TLK2: variants seen among roughly 807,000 people sequenced by gnomAD.
The protein encoded by TLK2 is tousled like kinase 2.
TLK2 carries 6 observed loss-of-function variants against 117.3 expected under a neutral mutation model. The observed-to-expected ratio is 0.05, with a 90% CI of 0.03 to 0.10. The LOEUF (loss-of-function observed/expected upper bound fraction) is 0.10, where lower values mean the gene tolerates loss of function less well. Ranked by LOEUF, TLK2 falls within the 10% of genes least tolerant of loss-of-function variation. The pLI is 1.00. For synonymous variants in TLK2, 257 were observed against 316.7 expected, an observed-to-expected ratio of 0.81 and a Z score of 2.00; for missense variants, 299 against 901.2, an observed-to-expected ratio of 0.33 and a Z score of 8.56.
At chr17:62,478,726 T>G (rs1255444732), upstream of TLK2, among the ~76,000 whole-genome samples, 11 of 56,358 alleles carry the variant, frequency 2.0e-4, no homozygotes, top group Admixed American at 9.4e-4. Context: ...GCTCCCCCAC[T>G]GTCGGCGCTT....
At chr17:62,565,340 T>C (rs1179977607) in intron 11 of TLK2, among the ~76,000 whole-genome samples, 1 of 151,936 alleles carries the variant, frequency 6.6e-6, no homozygotes, top group Admixed American at 6.6e-5. Flanking sequence ...GAGTACAAAA[T>C]GAGTTCCAGA....
intron 15 of TLK2, among the ~76,000 whole-genome samples, chr17:62,583,171 A>C (rs532628605): frequency 1.3e-5 from 2 of 152,068 alleles, no homozygotes; most frequent in African/African-American, 4.8e-5. Context: ...GGCTCACTGC[A>C]ACCTCCATCT....
In TLK2 at chr17:62,551,760, G is replaced by A. The variant is rs987557638; in HGVS notation, c.532-542G>A. The A allele has an allele frequency of 2.9e-4, 45 of 156,284 alleles. 1 individual carries two copies. The allele number at this position is 156,284 out of a possible 1,614,324, so 9.7% of individuals were successfully genotyped here. A position where few individuals can be genotyped will look rare whatever the true frequency, so the allele number is the denominator to read the frequency against. ...AATATAATATAATTAACCTGAATAG[G>A]TTAATTATATTGTGGAACCTAAACC... On this transcript the variant is annotated intron_variant, in intron 7 of 21. Coordinates refer to ENST00000346027, the MANE Select transcript of TLK2 (RefSeq NM_006852.6).
At chr17:62,502,736 C>T (rs920943313) in intron 2 of TLK2, among the ~76,000 whole-genome samples, 14 of 151,992 alleles carry the variant, frequency 9.2e-5, no homozygotes, top group African/African-American at 3.1e-4. Flanking sequence ...GAACAATTGG[C>T]AGTTGAAGTA....
At chr17:62,608,369 G>A (rs2147288239) in intron 21 of TLK2, among the ~76,000 whole-genome samples, 1 of 152,296 alleles carries the variant, frequency 6.6e-6, no homozygotes, top group African/African-American at 2.4e-5. Flanking sequence ...GTTGATAGGT[G>A]GGTGTTTTAA....
intron 18 of TLK2, 118 bp downstream of exon 18, chr17:62,600,938 T>G: frequency 2.9e-6 from 3 of 1,045,172 alleles, no homozygotes; most frequent in Non-Finnish European, 2.7e-6. Context: ...AACATCTGAC[T>G]TTTGATTGCC....
At chr17:62,606,715 T>C (rs1270640021) in intron 20 of TLK2, among the ~76,000 whole-genome samples, 1 of 152,222 alleles carries the variant, frequency 6.6e-6, no homozygotes, top group Non-Finnish European at 1.5e-5. Flanking sequence ...GATGTATTCA[T>C]TGTTACCTCT....
rs199901593 is a variant in TLK2 at position 62,543,097 on chromosome 17, A to AT, written c.531+6769dup. Among the ~76,000 whole-genome samples the AT allele has an allele frequency of 5.9e-5, 9 of 151,752 alleles. No homozygotes were observed. In the East Asian group the frequency reaches 9.7e-4, roughly 16 times the overall value. On this transcript the variant is annotated intron_variant, in intron 7 of 21. Transcript: ENST00000346027. ...TTTTAATTACTAATGAGGCTTTTAA[A>AT]TTTTTTTTTAACTTTTAAAGTAGGG...
chr17:62,549,367 C>G (rs1201955553), intron 7 of TLK2, among the ~76,000 whole-genome samples: 1 of 96,458 alleles, frequency 1.0e-5, no homozygotes, highest in Non-Finnish European at 2.0e-5. Context: ...CCACTACACT[C>G]CAGCCTAAGT....
chr17:62,521,292 CAT>C (rs1487323656), intron 3 of TLK2, among the ~76,000 whole-genome samples: 8 of 152,194 alleles, frequency 5.3e-5, no homozygotes, highest in Admixed American at 1.3e-4. Flanking sequence ...TTATTATAAT[CAT>C]GTGTGGATCT....
chr17:62,488,545 C>T (rs1048583469), intron 2 of TLK2, among the ~76,000 whole-genome samples: 1 of 152,142 alleles, frequency 6.6e-6, no homozygotes, highest in African/African-American at 2.4e-5. Flanking sequence ...GATTAATTTA[C>T]TTTAGTATTT....
chr17:62,588,693 C>T (rs1221058708), intron 16 of TLK2, among the ~76,000 whole-genome samples: 1 of 152,090 alleles, frequency 6.6e-6, no homozygotes, highest in Admixed American at 6.6e-5. Context: ...GGAAGCAGCA[C>T]TGAGGAGACA....
Position 62,612,613 on chromosome 17 carries a change from A to T in TLK2, c.*48A>T, listed in dbSNP as rs1186069446. On this transcript the variant is annotated 3_prime_UTR_variant, in exon 22 of 22. Transcript: ENST00000346027. ...TGTTCAACACACACAAAGTGGACAAATGGCGTTCAGCAGCGGGTTTGGAAC... is the reference window on the plus strand; with the variant it reads ...TGTTCAACACACACAAAGTGGACAATTGGCGTTCAGCAGCGGGTTTGGAAC... 1.9e-6 allele frequency: 3 copies of T among 1,541,810 alleles called. No homozygotes were observed. The highest frequency in any genetic ancestry group is 2.7e-6 in the Non-Finnish European group (3 of 1,131,164).
intron 10 of TLK2, among the ~76,000 whole-genome samples, chr17:62,562,444 C>T (rs140398393): frequency 6.6e-6 from 1 of 152,210 alleles, no homozygotes; most frequent in African/African-American, 2.4e-5. Context: ...AATTTTAAAA[C>T]TCTTATAACT....
chr17:62,602,932 A>G (rs1281133626), intron 19 of TLK2, among the ~76,000 whole-genome samples: 1 of 152,200 alleles, frequency 6.6e-6, no homozygotes, highest in African/African-American at 2.4e-5. Flanking sequence ...AGGTGGTCAC[A>G]CAAGCCACAT....
At position 62,496,956 on chromosome 17, in the gene TLK2, CAAAAAAAAAA is replaced by C. The variant is rs1156828880; in HGVS notation, c.81+15762_81+15771del. ...TGGGCAACAGAGTGAGACTCCATCT[CAAAAAAAAAA>C]AAAAAAAAAAAGTTCTTTGGCCAGG... On this transcript the variant is annotated intron_variant, in intron 2 of 21. Coordinates refer to ENST00000346027, the MANE Select transcript of TLK2 (RefSeq NM_006852.6). Among the ~76,000 whole-genome samples, 7 of 43,408 alleles carry C rather than the reference CAAAAAAAAAA, an allele frequency of 1.6e-4. No individual in the cohort carries two copies. The Middle Eastern group carries it at 0.037, about 233-fold the overall frequency. The allele number at this position is 43,408 out of a possible 152,430, so 28.5% of individuals were successfully genotyped here. A position where few individuals can be genotyped will look rare whatever the true frequency, so the allele number is the denominator to read the frequency against.
intron 7 of TLK2, chr17:62,551,915 C>T: frequency 3.4e-6 from 1 of 296,084 alleles, no homozygotes; most frequent in Non-Finnish European, 6.5e-6. Flanking sequence ...AATAGTGGTT[C>T]ACAGTCCTTT....
At chr17:62,500,956 G>C (rs1247056934) in intron 2 of TLK2, among the ~76,000 whole-genome samples, 2 of 152,098 alleles carry the variant, frequency 1.3e-5, no homozygotes, top group Admixed American at 6.6e-5. Flanking sequence ...AAATATTTGT[G>C]AGCCGGGCAT....
At chr17:62,566,267 A>T (rs1158215370) in intron 11 of TLK2, among the ~76,000 whole-genome samples, 2 of 151,938 alleles carry the variant, frequency 1.3e-5, no homozygotes, top group Admixed American at 1.3e-4. Context: ...TTGCTGAAAT[A>T]GCTTGTTGAG....
Sources: gnomAD v4.1 joint callset for allele counts (sites outside exome capture counted in the v4.1 genomes callset) on GRCh38, gnomAD v4.1.1 for gene constraint, MANE v1.5 for transcripts, NCBI Gene and HGNC (gene_info 2026-07-23, HGNC 2026-07-21) for gene names.